USP4: variants seen among roughly 807,000 people sequenced by gnomAD.
USP4 encodes the protein ubiquitin carboxyl-terminal hydrolase 4.
A neutral mutation model predicts 118.2 loss-of-function variants in USP4; 72 were observed. The observed-to-expected ratio is 0.61, with a 90% CI of 0.50 to 0.74. The LOEUF (loss-of-function observed/expected upper bound fraction) is 0.74, where lower values mean the gene tolerates loss of function less well. Among genes scored for constraint, USP4 ranks in the 30% least tolerant of loss-of-function variants. The pLI is 0.00. For synonymous variants in USP4, 415 were observed against 440.4 expected, an observed-to-expected ratio of 0.94 and a Z score of 0.72; for missense variants, 1,037 against 1,185.7, an observed-to-expected ratio of 0.87 and a Z score of 1.84.
intron 7 of USP4, among the ~76,000 whole-genome samples, chr3:49,310,970 T>C (rs954502260): frequency 6.6e-6 from 1 of 152,186 alleles, no homozygotes; most frequent in African/African-American, 2.4e-5. Context: ...TTTCCTCTGT[T>C]AGGCTTTGGC....
intron 6 of USP4, among the ~76,000 whole-genome samples, chr3:49,318,151 AAG>A (rs2047460632): frequency 6.6e-6 from 1 of 152,022 alleles, no homozygotes; most frequent in African/African-American, 2.4e-5. Flanking sequence ...TTATTTTTTT[AAG>A]AGACAGGGTC....
chr3:49,325,158 C>G, intron 4 of USP4, 119 bp from the exon 5 acceptor site: 1 of 1,252,534 alleles, frequency 8.0e-7, no homozygotes, highest in Non-Finnish European at 1.1e-6. Flanking sequence ...CTGGATCAAC[C>G]CCCTGATACC....
chr3:49,286,986 A>T (rs2047100930), intron 15 of USP4, among the ~76,000 whole-genome samples: 1 of 151,972 alleles, frequency 6.6e-6, no homozygotes, highest in East Asian at 1.9e-4. Context: ...AGTAGCAGGG[A>T]TTACAGGTGT....
Position 49,301,450 on chromosome 3 carries a change from G to A in USP4, c.1288-759C>T, listed in dbSNP as rs528810357. The stretch of plus-strand genomic sequence containing the variant: ...CGCCTGAAATCCCAGCACTTTGGGA[G>A]GCCGAAGCAGGCGGATCACCAGAGG... On this transcript the variant is annotated intron_variant, in intron 10 of 21. Transcript: ENST00000265560. Among the ~76,000 whole-genome samples the A allele has an allele frequency of 2.0e-3, 304 of 152,230 alleles. 3 individuals carry two copies. The highest frequency in any genetic ancestry group is 7.0e-3 in the African/African-American group (289 of 41,532).
intron 19 of USP4, among the ~76,000 whole-genome samples, chr3:49,282,571 C>T (rs2047044581): frequency 6.6e-6 from 1 of 151,944 alleles, no homozygotes; most frequent in African/African-American, 2.4e-5. Flanking sequence ...GCCACTGCGC[C>T]CAGCCAAGAT....
chr3:49,297,111 C>T (rs760985926), intron 13 of USP4, among the ~76,000 whole-genome samples: 1 of 152,188 alleles, frequency 6.6e-6, no homozygotes, highest in Non-Finnish European at 1.5e-5. Context: ...AAAACAAAAT[C>T]CTAAAACCCT....
chr3:49,300,661 T>G lies in USP4; in HGVS notation c.1318A>C (p.Arg440=), dbSNP rs2047254213. Reference sequence around the variant, plus strand: ...ACAATCACAGAATCATTCCTCAACCTGTGATTCTCCCAGGCTTCCTTTGCC... The same window carrying G: ...ACAATCACAGAATCATTCCTCAACCGGTGATTCTCCCAGGCTTCCTTTGCC... The part of the protein sequence containing the change: ...VVAKEAWENH[R]LRNDSVIVDT... Residue 440 remains arginine (R), a synonymous_variant, in exon 11 of 22, where the codon AGG becomes CGG. Transcript: ENST00000265560. The G allele has an allele frequency of 1.9e-6, 3 of 1,614,150 alleles. No homozygotes were observed. The highest frequency in any genetic ancestry group is 2.5e-6 in the Non-Finnish European group (3 of 1,180,038).
chr3:49,334,797 G>A (rs892426779), intron 2 of USP4, among the ~76,000 whole-genome samples: 1 of 152,088 alleles, frequency 6.6e-6, no homozygotes, highest in Non-Finnish European at 1.5e-5. Flanking sequence ...GATTACAGGC[G>A]TGAGACACCA....
chr3:49,280,100 TA>T lies in USP4; in HGVS notation c.2644+643del, dbSNP rs373097576. On this transcript the variant is annotated intron_variant, in intron 20 of 21. Coordinates refer to ENST00000265560, the MANE Select transcript of USP4 (RefSeq NM_003363.4). The stretch of plus-strand genomic sequence containing the variant: ...CAACATGCCAAAACCCTGTCTCTAC[TA>T]AAAATACAAAAATTAGCCAGGTGTG... Among the ~76,000 whole-genome samples the T allele has an allele frequency of 3.8e-4, 57 of 151,866 alleles. 2 individuals are homozygous for T. The South Asian group carries it at 0.012, about 31-fold the overall frequency.
At chr3:49,316,211 A>G (rs1456236502) in intron 6 of USP4, among the ~76,000 whole-genome samples, 2 of 152,158 alleles carry the variant, frequency 1.3e-5, no homozygotes, top group African/African-American at 2.4e-5. Flanking sequence ...TAAAAAAAAT[A>G]AAATAAAGAC....
Position 49,300,679 on chromosome 3 carries a change from C to T in USP4, c.1300G>A (p.Glu434Lys). 4 of 1,614,122 alleles carry T rather than the reference C, an allele frequency of 2.5e-6. No homozygotes were observed. The highest frequency in any genetic ancestry group is 3.4e-6 in the Non-Finnish European group (4 of 1,180,020). The change falls in exon 11 of 22, where the codon GAA becomes AAA. Residue 434 changes from glutamate (E) to lysine (K), a missense_variant. This residue lies in a region of USP4 where 487 missense variants were observed against 534.1 expected (regional missense o/e 0.91). Coordinates refer to ENST00000265560, the MANE Select transcript of USP4 (RefSeq NM_003363.4). ...NGRPDAVVAK[E>K]AWENHRLRND... ...CTCAACCTGTGATTCTCCCAGGCTT[C>T]CTTTGCCACCACCTGCGTCAAAGGG...
At chr3:49,309,576 G>GAT (rs2047358882) in intron 8 of USP4, among the ~76,000 whole-genome samples, 1 of 151,324 alleles carries the variant, frequency 6.6e-6, no homozygotes, top group Non-Finnish European at 1.5e-5. Flanking sequence ...TTTCAAAGAG[G>GAT]GGATTTTGGA....
chr3:49,280,559 CAAAAAA>C (rs371988656), intron 20 of USP4, among the ~76,000 whole-genome samples, 179 bp downstream of exon 20: 1 of 52,564 alleles, frequency 1.9e-5, no homozygotes. Context: ...GACTCCGTCT[CAAAAAA>C]AAAAAAAAAA....
chr3:49,313,356 G>A (rs374696970), intron 6 of USP4, among the ~76,000 whole-genome samples: 7 of 151,926 alleles, frequency 4.6e-5, no homozygotes, highest in Non-Finnish European at 8.8e-5. Flanking sequence ...GTGGAACCCC[G>A]TCTCTACTAA....
intron 13 of USP4, among the ~76,000 whole-genome samples, chr3:49,296,033 A>T (rs2047204472): frequency 6.6e-6 from 1 of 152,180 alleles, no homozygotes; most frequent in African/African-American, 2.4e-5. Context: ...ACAACACATT[A>T]AAAAGTAGCA....
intron 19 of USP4, among the ~76,000 whole-genome samples, chr3:49,281,130 G>A (rs1234515865): frequency 1.3e-5 from 2 of 151,976 alleles, no homozygotes; most frequent in African/African-American, 2.4e-5. Context: ...AGACGAGCCC[G>A]ACCAACATGG....
rs560283134 is a variant in USP4 at position 49,285,371 on chromosome 3, T to C, written c.2201-452A>G. On this transcript the variant is annotated intron_variant, in intron 16 of 21. Coordinates refer to ENST00000265560, the MANE Select transcript of USP4 (RefSeq NM_003363.4). ...TGCAGGCAGTTTCCAGGACTTAGCA[T>C]AGGGGAGAGAGGGGAAGATTAAGCT... Among the ~76,000 whole-genome samples, 4 of 151,782 alleles carry C rather than the reference T, an allele frequency of 2.6e-5. No individual in the cohort carries two copies. The East Asian group carries it at 7.7e-4, about 29-fold the overall frequency.
chr3:49,283,316 T>C (rs903179664), intron 19 of USP4, among the ~76,000 whole-genome samples: 2 of 151,720 alleles, frequency 1.3e-5, no homozygotes, highest in Admixed American at 6.6e-5. Flanking sequence ...GCCCAGCCTA[T>C]TTTTTTAAAT....
intron 15 of USP4, among the ~76,000 whole-genome samples, chr3:49,291,254 G>A (rs146747289): frequency 6.6e-4 from 96 of 144,858 alleles, no homozygotes; most frequent in Non-Finnish European, 1.1e-3. Context: ...GTGAGTCACC[G>A]CACCCAGCCT....
Sources: gnomAD v4.1 joint callset for allele counts (sites outside exome capture counted in the v4.1 genomes callset) on GRCh38, gnomAD v4.1.1 for gene constraint, gnomAD v4.1.1 regional missense constraint, MANE v1.5 for transcripts, NCBI Gene and HGNC (gene_info 2026-07-23, HGNC 2026-07-21) for gene names.